The following BPTF variants were observed in gnomAD, a reference collection of about 807,000 sequenced individuals.
The protein encoded by BPTF is nucleosome-remodeling factor subunit BPTF.
Under a neutral mutation model 292.5 loss-of-function variants are expected in BPTF, and 18 were observed. The ratio of observed to expected loss-of-function variants is 0.06; its 90% CI spans 0.04 to 0.09. BPTF has a LOEUF of 0.09. BPTF is among the 10% of genes least tolerant of loss of function. The probability of loss-of-function intolerance (pLI) is 1.00; values close to 1 mark genes in which losing one functional copy is unlikely to be tolerated. For missense variants in BPTF, 2,726 were observed against 3,498.7 expected (o/e 0.78, Z 5.57); for synonymous variants, 1,225 against 1,251.9 (o/e 0.98, Z 0.45).
chr17:67,892,504 C>A (rs144698263), intron 5 of BPTF, among the ~76,000 whole-genome samples: 11 of 152,336 alleles, frequency 7.2e-5, no homozygotes, highest in African/African-American at 2.6e-4. Context: ...CAGCTCTGAT[C>A]ATGAACAATG....
intron 27 of BPTF, chr17:67,981,382 G>A: frequency 1.3e-6 from 1 of 771,236 alleles, no homozygotes; most frequent in African/African-American, 1.9e-5. Context: ...TTTCATTACT[G>A]CACTTTGTTA....
intron 13 of BPTF, among the ~76,000 whole-genome samples, chr17:67,922,281 T>G (rs1268869616): frequency 6.6e-6 from 1 of 152,240 alleles, no homozygotes; most frequent in Non-Finnish European, 1.5e-5. Flanking sequence ...GGTTCAATGC[T>G]TGTCCCTCCC....
intron 3 of BPTF, among the ~76,000 whole-genome samples, chr17:67,872,196 ATATATG>A (rs1347440993): frequency 6.6e-6 from 1 of 152,194 alleles, no homozygotes; most frequent in Non-Finnish European, 1.5e-5. Flanking sequence ...GTATGAATGT[ATATATG>A]TATATGTGTA....
chr17:67,921,045 A>G (rs1244328854), intron 13 of BPTF, among the ~76,000 whole-genome samples: 1 of 151,550 alleles, frequency 6.6e-6, no homozygotes, highest in African/African-American at 2.4e-5. Context: ...TATCCCTACA[A>G]AACATACAAA....
rs1218437056 is a variant in BPTF, at chr17:67,911,172, A to C, written c.3288A>C (p.Thr1096=). Residue 1096 remains threonine, a synonymous_variant, in exon 11 of 28, where the codon ACA becomes ACC. Transcript: ENST00000306378. ...TTAAGGGTATAGGAAAGACTTCTAC[A>C]AATTCTTCAAAAAATCTCTCTGAAT... ...GGIKGIGKTS[T]NSSKNLSESP... The C allele has an allele frequency of 6.2e-7, 1 of 1,613,690 alleles. No homozygotes were observed. Among genetic ancestry groups the C allele is most frequent in the Non-Finnish European group, 8.5e-7 (1 of 1,179,968 alleles).
At chr17:67,940,832 T>C (rs184079107) in intron 19 of BPTF, among the ~76,000 whole-genome samples, 176 bp downstream of exon 19, 4 of 152,316 alleles carry the variant, frequency 2.6e-5, no homozygotes, top group African/African-American at 9.6e-5. Context: ...CCCCAACTAC[T>C]AGAGTAATCT....
chr17:67,913,299 T>C, intron 11 of BPTF, 112 bp downstream of exon 11: 4 of 1,429,036 alleles, frequency 2.8e-6, no homozygotes, highest in Admixed American at 5.0e-5. Flanking sequence ...AGGAAACATA[T>C]TAATGGCCAA....
intron 19 of BPTF, among the ~76,000 whole-genome samples, chr17:67,941,868 A>G (rs2147851488): frequency 6.6e-6 from 1 of 152,368 alleles, no homozygotes; most frequent in South Asian, 2.1e-4. Context: ...TAAGAGTAAG[A>G]ACCTCTGTTC....
At chr17:67,956,554 G>A (rs1249507358) in intron 23 of BPTF, 5 of 151,664 alleles carry the variant, frequency 3.3e-5, no homozygotes, top group African/African-American at 1.2e-4. Context: ...CTGGACTCAA[G>A]CGATCTTCCA....
At chr17:67,931,367 G>T (rs2064373089) in intron 17 of BPTF, among the ~76,000 whole-genome samples, 1 of 152,212 alleles carries the variant, frequency 6.6e-6, no homozygotes. Flanking sequence ...TAGCTTCTTG[G>T]GAGGCTGAGG....
At chr17:67,961,569 G>A (rs1165988200) in intron 24 of BPTF, among the ~76,000 whole-genome samples, 7 of 152,090 alleles carry the variant, frequency 4.6e-5, no homozygotes, top group African/African-American at 1.7e-4. Context: ...AAAAAGTGCT[G>A]GGCACCGTGG....
intron 7 of BPTF, among the ~76,000 whole-genome samples, chr17:67,903,029 A>G (rs1421079718): frequency 6.6e-6 from 1 of 152,192 alleles, no homozygotes; most frequent in South Asian, 2.1e-4. Flanking sequence ...AGGTGCAGTG[A>G]TTTCCTTTCC....
At chr17:67,876,065 A>G (rs184089351) in intron 4 of BPTF, among the ~76,000 whole-genome samples, 12 of 152,316 alleles carry the variant, frequency 7.9e-5, no homozygotes, top group Non-Finnish European at 1.3e-4. Flanking sequence ...TAATGGCTCA[A>G]TGTTGAATGA....
At chr17:67,934,002 C>A (rs1046001868) in intron 18 of BPTF, among the ~76,000 whole-genome samples, 3 of 151,902 alleles carry the variant, frequency 2.0e-5, no homozygotes, top group African/African-American at 7.3e-5. Context: ...TGAGACCCTG[C>A]CATTGCACTC....
chr17:67,944,968 C>T (rs1256500279), intron 20 of BPTF, among the ~76,000 whole-genome samples: 6 of 152,100 alleles, frequency 3.9e-5, no homozygotes, highest in Non-Finnish European at 8.8e-5. Context: ...CTGCCCTAAG[C>T]GTGTCCAAAT....
chr17:67,863,580 G>A (rs1310740223), intron 2 of BPTF, among the ~76,000 whole-genome samples: 2 of 152,128 alleles, frequency 1.3e-5, no homozygotes, highest in Admixed American at 6.5e-5. Context: ...CACCACGCCC[G>A]GCCCATTACC....
chr17:67,943,485 C>G (rs2065556531), intron 19 of BPTF, among the ~76,000 whole-genome samples: 1 of 152,112 alleles, frequency 6.6e-6, no homozygotes, highest in African/African-American at 2.4e-5. Context: ...TTCTGGACCC[C>G]TTTTTGGTAA....
At chr17:67,868,955 A>G (rs1201565280) in intron 3 of BPTF, among the ~76,000 whole-genome samples, 1 of 152,202 alleles carries the variant, frequency 6.6e-6, no homozygotes, top group Non-Finnish European at 1.5e-5. Flanking sequence ...TTTCTCTATT[A>G]GATCTGTTTA....
intron 2 of BPTF, among the ~76,000 whole-genome samples, chr17:67,858,880 A>G (rs7207155): frequency 0.025 from 3,779 of 152,240 alleles, 102 homozygotes; most frequent in African/African-American, 0.085. Flanking sequence ...CTTTTTGGCC[A>G]GATACAGACC....
Sources: allele counts gnomAD v4.1 joint callset (sites outside exome capture counted in the v4.1 genomes callset), GRCh38; gene constraint gnomAD v4.1.1; transcripts MANE v1.5; gene names NCBI Gene and HGNC (gene_info 2026-07-23, HGNC 2026-07-21).